The following MRPL55 variants were observed in gnomAD, a reference collection of about 807,000 sequenced individuals.
MRPL55 encodes the protein large ribosomal subunit protein mL55.
In MRPL55, 7 loss-of-function variants were observed where a neutral mutation model predicts 10.6. The observed-to-expected ratio is 0.66, with a 90% CI of 0.38 to 1.24. MRPL55 has a LOEUF of 1.24. Ranked by LOEUF, MRPL55 falls within the 50% of genes most tolerant of loss-of-function variation. The pLI is 0.02. For missense variants in MRPL55, 148 were observed against 180.3 expected, an observed-to-expected ratio of 0.82 and a Z score of 1.03; for synonymous variants, 57 against 71.8, an observed-to-expected ratio of 0.79 and a Z score of 1.04.
At position 228,107,857 on chromosome 1, in the gene MRPL55, C is replaced by G; in HGVS notation, c.39G>C (p.Gln13His). 1 of 1,613,064 alleles carries G rather than the reference C, an allele frequency of 6.2e-7. No individual in the cohort carries two copies. Among genetic ancestry groups the G allele is most frequent in the Non-Finnish European group, 8.5e-7 (1 of 1,179,974 alleles). The change falls in exon 4 of 5, where the codon CAG becomes CAC. Residue 13 changes from glutamine to histidine, a missense_variant. Gln to His is a conservative substitution (Grantham distance 24, BLOSUM62 0). Transcript: ENST00000336520. ...AVGSLLGRLR[Q>H]STVKATGPAL... is the part of the protein sequence containing the mutation. ...CAGGTCCGGTGGCCTTCACGGTGCT[C>G]TGCCTCAGCCGGCTGCAGATAAATG... is the stretch of plus-strand genomic sequence containing the variant.
Position 228,108,073 on chromosome 1 carries a change from G to A in MRPL55, c.26+162C>T, listed in dbSNP as rs1296159645. ...GGCGTTCTGGCCCCCTAGCCAGGAA[G>A]AGGCTGCCAGGCTGAGCAAGGGCAC... On this transcript the variant is annotated intron_variant, in intron 3 of 4. Transcript: ENST00000336520. 4 of 1,538,246 alleles carry A rather than the reference G, an allele frequency of 2.6e-6. No individual in the cohort carries two copies. In the African/African-American group the frequency reaches 5.5e-5, roughly 21 times the overall value.
chr1:228,108,161 T>G, intron 3 of MRPL55, 74 bp downstream of exon 3: 10 of 1,559,300 alleles, frequency 6.4e-6, no homozygotes, highest in Non-Finnish European at 7.8e-6. Context: ...GAATGGCGGT[T>G]TCCTGCTGAA....
At chr1:228,108,044 C>G in intron 3 of MRPL55, 175 bp from the exon 4 acceptor site, 2 of 1,544,346 alleles carry the variant, frequency 1.3e-6, no homozygotes, top group South Asian at 1.2e-5. Context: ...AGGCTGTGGT[C>G]AGAGGCGTTC....
chr1:228,107,958 G>T, intron 3 of MRPL55, 89 bp from the exon 4 acceptor site: 1 of 1,563,882 alleles, frequency 6.4e-7, no homozygotes, highest in South Asian at 1.2e-5. Context: ...GGGCACTGCC[G>T]GGCCACAGGA....
At chr1:228,107,308 C>T (rs2033233867) in intron 4 of MRPL55, among the ~76,000 whole-genome samples, 1 of 152,140 alleles carries the variant, frequency 6.6e-6, no homozygotes, top group African/African-American at 2.4e-5. Flanking sequence ...CCTGCAGTCC[C>T]AGCTACTTGG....
Position 228,107,794 on chromosome 1 carries a change from G to C in MRPL55, c.102C>G (p.Asp34Glu). ...CACGAGTGAGTGAGGCCCTGCTGCT[G>C]TCAGCTCGCCAGGAGGATGTGTGCA... The part of the protein sequence containing the change: ...RRLHTSSWRA[D>E]SSRASLTRVH... Residue 34 changes from aspartate to glutamate, a missense_variant, in exon 4 of 5, where the codon GAC becomes GAG. By Grantham distance (45) the Asp-to-Glu change is conservative. Transcript: ENST00000336520. 1 of 1,613,284 alleles carries C rather than the reference G, an allele frequency of 6.2e-7. No homozygotes were observed. The highest frequency in any genetic ancestry group is 8.5e-7 in the Non-Finnish European group (1 of 1,180,030).
Position 228,106,767 on chromosome 1 carries a change from T to C in MRPL55, c.380A>G (p.Lys127Arg), listed in dbSNP as rs766639104. Residue 127 changes from lysine to arginine, a missense_variant, in exon 5 of 5, where the codon AAG (lysine) becomes AGG (arginine). Coordinates refer to ENST00000336520, the MANE Select transcript of MRPL55 (RefSeq NM_181463.3). Reference sequence around the variant, plus strand: ...GGGTGGCTGGAGCCACGGTCACTTCTTGGTCCTGGTCCAGAACTGTCGGTA... The same window carrying C: ...GGGTGGCTGGAGCCACGGTCACTTCCTGGTCCTGGTCCAGAACTGTCGGTA... ...ERYRQFWTRT[K>R]K 1 of 1,612,218 alleles carries C rather than the reference T, an allele frequency of 6.2e-7. No individual in the cohort carries two copies. Among genetic ancestry groups the C allele is most frequent in the Non-Finnish European group, 8.5e-7 (1 of 1,179,006 alleles).
chr1:228,108,434 C>G, intron 2 of MRPL55, 116 bp from the exon 3 acceptor site: 1 of 673,300 alleles, frequency 1.5e-6, no homozygotes, highest in Admixed American at 3.1e-5. Flanking sequence ...CCACGCCACT[C>G]ACCAACCTCT....
intron 3 of MRPL55, 46 bp downstream of exon 3, chr1:228,108,189 G>A (rs778648546): frequency 2.6e-5 from 41 of 1,595,230 alleles, no homozygotes; most frequent in Non-Finnish European, 3.3e-5. Flanking sequence ...GTTCCCTGGG[G>A]TGGCCCCTGA....
rs373059867 is a variant in MRPL55, at chr1:228,108,290, G to C, written c.-30C>G. 1 of 1,608,122 alleles carries C rather than the reference G, an allele frequency of 6.2e-7. No homozygotes were observed. Among genetic ancestry groups the C allele is most frequent in the East Asian group, 2.2e-5 (1 of 44,766 alleles). ...CCTTACAGCCCCAGTGGCACGTGGA[G>C]GTGGTCAGTACAGGCCCTGGCGTGC... On this transcript the variant is annotated 5_prime_UTR_variant, in exon 3 of 5. Transcript: ENST00000336520.
At position 228,106,758 on chromosome 1, in the gene MRPL55, G is replaced by T. The variant is rs374269957; in HGVS notation, c.*2C>A. 4 of 1,607,662 alleles carry T rather than the reference G, an allele frequency of 2.5e-6. No homozygotes were observed. In the African/African-American group the frequency reaches 5.3e-5, roughly 21 times the overall value. On this transcript the variant is annotated 3_prime_UTR_variant, in exon 5 of 5. Transcript: ENST00000336520. The stretch of plus-strand genomic sequence containing the variant: ...AATGTCCCGGGGTGGCTGGAGCCAC[G>T]GTCACTTCTTGGTCCTGGTCCAGAA...
chr1:228,107,565 G>A, intron 4 of MRPL55, 103 bp downstream of exon 4: 1 of 1,045,202 alleles, frequency 9.6e-7, no homozygotes, highest in East Asian at 2.6e-5. Flanking sequence ...GTGGTACAGT[G>A]ACCACAGCCA....
At chr1:228,107,334 G>A (rs1266562037) in intron 4 of MRPL55, among the ~76,000 whole-genome samples, 1 of 152,244 alleles carries the variant, frequency 6.6e-6, no homozygotes, top group East Asian at 1.9e-4. Flanking sequence ...TGGGGTGGGA[G>A]GACCGCATGA....
In MRPL55 at chr1:228,109,197, G is replaced by T. The variant is rs541493381; in HGVS notation, c.-174C>A. 3 of 152,528 alleles carry T rather than the reference G, an allele frequency of 2.0e-5. No homozygotes were observed. In the East Asian group the frequency reaches 5.8e-4, roughly 29 times the overall value. 9.4% of individuals were successfully genotyped at this position (152,528 alleles called of 1,614,324 possible). ...GAGGGGTCTGAGGACAGGCGGTCCTGACTCCCGCTGCCCGGTGGAACTAAG... is the reference window on the plus strand; with the variant it reads ...GAGGGGTCTGAGGACAGGCGGTCCTTACTCCCGCTGCCCGGTGGAACTAAG... On this transcript the variant is annotated 5_prime_UTR_variant, in exon 1 of 5. Transcript: ENST00000336520.
intron 2 of MRPL55, chr1:228,108,690 C>T (rs1446100388): frequency 5.1e-6 from 1 of 194,324 alleles, no homozygotes; most frequent in African/African-American, 2.3e-5. Flanking sequence ...GATTGTCATG[C>T]TTGCTTAAAG....
At chr1:228,108,824 C>G (rs2033482524) in intron 2 of MRPL55, 131 bp downstream of exon 2, 1 of 152,928 alleles carries the variant, frequency 6.5e-6, no homozygotes, top group Admixed American at 6.5e-5. Context: ...TGCACAGAGG[C>G]CGAGCGCCCA....
intron 3 of MRPL55, 82 bp downstream of exon 3, chr1:228,108,148 TTAGAA>T (rs2033393787): frequency 1.2e-5 from 18 of 1,547,058 alleles, no homozygotes; most frequent in Non-Finnish European, 1.6e-5. Context: ...CTAGGGAGGA[TTAGAA>T]TGGCGGTTTC....
intron 3 of MRPL55, 32 bp from the exon 4 acceptor site, chr1:228,107,901 G>T (rs202231885): frequency 1.9e-5 from 30 of 1,610,038 alleles, no homozygotes; most frequent in Non-Finnish European, 2.1e-5. Flanking sequence ...CTGGTCAGCC[G>T]ACAGTGCTGC....
chr1:228,107,965 A>G, intron 3 of MRPL55, 96 bp from the exon 4 acceptor site: 1 of 1,558,542 alleles, frequency 6.4e-7, no homozygotes, highest in Non-Finnish European at 8.7e-7. Flanking sequence ...GCCGGGCCAC[A>G]GGAGACATTA....
Sources: gnomAD v4.1 joint callset for allele counts (sites outside exome capture counted in the v4.1 genomes callset) on GRCh38, gnomAD v4.1.1 for gene constraint, MANE v1.5 for transcripts, NCBI Gene and HGNC (gene_info 2026-07-23, HGNC 2026-07-21) for gene names.